Variants in GID4 observed in about 807,000 individuals in gnomAD.
GID4 encodes the protein GID complex subunit 4 homolog.
A neutral mutation model predicts 32.4 loss-of-function variants in GID4; 7 were observed. That is an observed-to-expected ratio of 0.22 (90% confidence interval 0.12 to 0.41). The LOEUF (loss-of-function observed/expected upper bound fraction) is 0.41, where lower values mean the gene tolerates loss of function less well. Among genes scored for constraint, GID4 ranks in the 10% least tolerant of loss-of-function variants. The pLI is 1.00. For missense variants in GID4, 309 were observed against 400.0 expected, an observed-to-expected ratio of 0.77 and a Z score of 1.94; for synonymous variants, 166 against 170.0, an observed-to-expected ratio of 0.98 and a Z score of 0.18.
intron 5 of GID4, 131 bp from the exon 6 acceptor site, chr17:18,065,049 A>G (rs1287754478): frequency 2.9e-6 from 2 of 692,536 alleles, no homozygotes; most frequent in East Asian, 5.2e-5. Context: ...CTTGAGAAAT[A>G]GAAAATGAAT....
chr17:18,058,694 C>G (rs1442203654), intron 3 of GID4, among the ~76,000 whole-genome samples, 174 bp from the exon 4 acceptor site: 1 of 152,168 alleles, frequency 6.6e-6, no homozygotes, highest in African/African-American at 2.4e-5. Flanking sequence ...AGTCTGCATT[C>G]AATGGGGTGA....
At chr17:18,056,666 G>A in intron 3 of GID4, 1 of 1,537,060 alleles carries the variant, frequency 6.5e-7, no homozygotes, top group East Asian at 2.5e-5. Context: ...TAAATACTTG[G>A]AAAGCAACTC....
At chr17:18,041,969 A>G (rs529203852) in intron 1 of GID4, among the ~76,000 whole-genome samples, 9 of 152,304 alleles carry the variant, frequency 5.9e-5, no homozygotes, top group East Asian at 3.9e-4. Context: ...GGTCATGCCA[A>G]TGAATGCTGC....
chr17:18,067,671 G>A lies in GID4; in HGVS notation c.*2428G>A, dbSNP rs915652013. 1.3e-5 allele frequency: 2 copies of A among 152,556 alleles called. No individual in the cohort carries two copies. Among genetic ancestry groups the A allele is most frequent in the Non-Finnish European group, 2.9e-5 (2 of 68,024 alleles). The allele number at this position is 152,556 out of a possible 1,614,324, so 9.5% of individuals were successfully genotyped here. On this transcript the variant is annotated 3_prime_UTR_variant, in exon 6 of 6. Transcript: ENST00000268719. Reference sequence around the variant, plus strand: ...GGGAATCATCTTCATCCGTAGTTACGCTTTCCTGAACCTTCTCAGTGGTTT... The same window carrying A: ...GGGAATCATCTTCATCCGTAGTTACACTTTCCTGAACCTTCTCAGTGGTTT...
rs150150097 is a variant in GID4, at chr17:18,066,961, C to T, written c.*1718C>T. On this transcript the variant is annotated 3_prime_UTR_variant, in exon 6 of 6. Transcript: ENST00000268719. The stretch of plus-strand genomic sequence containing the variant: ...GCTTTGGAACCCTAAAAAGTTGGCC[C>T]GATGACTTAAAGGGAAAAATAATTC... 3.3e-5 allele frequency: 5 copies of T among 152,246 alleles called. No homozygotes were observed. The highest frequency in any genetic ancestry group is 2.1e-4 in the South Asian group (1 of 4,810). The allele number at this position is 152,246 out of a possible 1,614,324, so 9.4% of individuals were successfully genotyped here. A position where few individuals can be genotyped will look rare whatever the true frequency, so the allele number is the denominator to read the frequency against.
chr17:18,053,557 CAGTGA>C (rs2044935833), intron 2 of GID4, among the ~76,000 whole-genome samples: 1 of 152,030 alleles, frequency 6.6e-6, no homozygotes, highest in Admixed American at 6.5e-5. Flanking sequence ...GAGGAGGTTG[CAGTGA>C]ACCGAAATTG....
intron 2 of GID4, among the ~76,000 whole-genome samples, chr17:18,050,059 C>T (rs373792605): frequency 9.6e-4 from 146 of 152,324 alleles, no homozygotes; most frequent in African/African-American, 3.4e-3. Flanking sequence ...GACATGATCT[C>T]ATTTCTTTTT....
At position 18,065,902 on chromosome 17, in the gene GID4, A is replaced by C. The variant is rs529632620; in HGVS notation, c.*659A>C. Reference sequence around the variant, plus strand: ...AGCTGTCAGGTTCCCTGGGCCTGCCATCAGGGATCACTAAATTTAAGGCTT... The same window carrying C: ...AGCTGTCAGGTTCCCTGGGCCTGCCCTCAGGGATCACTAAATTTAAGGCTT... On this transcript the variant is annotated 3_prime_UTR_variant, in exon 6 of 6. Transcript: ENST00000268719. The C allele has an allele frequency of 6.6e-6, 1 of 151,688 alleles. No individual in the cohort carries two copies. The allele number at this position is 151,688 out of a possible 1,614,324, so 9.4% of individuals were successfully genotyped here. A position where few individuals can be genotyped will look rare whatever the true frequency, so the allele number is the denominator to read the frequency against.
intron 3 of GID4, chr17:18,057,112 A>G (rs2044976228): frequency 2.7e-6 from 4 of 1,463,702 alleles, no homozygotes; most frequent in Admixed American, 2.3e-5. Flanking sequence ...TCAGGATTCC[A>G]TATATTCAGT....
In GID4 at chr17:18,061,759, C is replaced by G; in HGVS notation, c.709-86C>G. ...GATCCTATATTTTTCTCGAGTGGTC[C>G]TTAGAACCCCCTGATGCTTAACAGG... On this transcript the variant is annotated intron_variant, in intron 4 of 5. Transcript: ENST00000268719. The surrounding 1 kb of genome is among the most constrained non-coding windows in gnomAD (Gnocchi z 4.4). The G allele has an allele frequency of 7.4e-7, 1 of 1,349,220 alleles. No homozygotes were observed. Among genetic ancestry groups the G allele is most frequent in the South Asian group, 1.2e-5 (1 of 84,432 alleles). 83.6% of individuals were successfully genotyped at this position (1,349,220 alleles called of 1,614,324 possible).
intron 2 of GID4, among the ~76,000 whole-genome samples, chr17:18,045,760 G>A (rs901250078): frequency 6.6e-6 from 1 of 151,796 alleles, no homozygotes; most frequent in African/African-American, 2.4e-5. Context: ...CGGGCATGGT[G>A]GCACAGACCT....
chr17:18,055,949 G>A (rs536461431), intron 3 of GID4, among the ~76,000 whole-genome samples: 1 of 152,278 alleles, frequency 6.6e-6, no homozygotes, highest in East Asian at 1.9e-4. Context: ...CCGCCTCCCA[G>A]ATTCAAGTGA....
chr17:18,061,007 T>C lies in GID4; in HGVS notation c.709-838T>C, dbSNP rs980206906. Among the ~76,000 whole-genome samples the C allele has an allele frequency of 2.6e-5, 4 of 152,184 alleles. No homozygotes were observed. The highest frequency in any genetic ancestry group is 9.7e-5 in the African/African-American group (4 of 41,438). ...ACCTCAGCCTCCCAAAGTGTTGGGATTGCAGGCATAAGCCACCACACCCGA... is the reference window on the plus strand; with the variant it reads ...ACCTCAGCCTCCCAAAGTGTTGGGACTGCAGGCATAAGCCACCACACCCGA... On this transcript the variant is annotated intron_variant, in intron 4 of 5. Coordinates refer to ENST00000268719, the MANE Select transcript of GID4 (RefSeq NM_024052.5). The surrounding 1 kb of genome is among the most constrained non-coding windows in gnomAD (Gnocchi z 4.4).
Position 18,039,447 on chromosome 17 carries a change from G to A in GID4, c.-18G>A. 1.4e-6 allele frequency: 2 copies of A among 1,385,150 alleles called. No individual in the cohort carries two copies. The highest frequency in any genetic ancestry group is 1.9e-6 in the Non-Finnish European group (2 of 1,068,410). 85.8% of individuals were successfully genotyped at this position (1,385,150 alleles called of 1,614,324 possible). ...GTGTGTTTGTGTGTTGTGTGTCTGT[G>A]AGTGTCTGTGTGTGTGTATGTGTGC... is the stretch of plus-strand genomic sequence containing the variant. On this transcript the variant is annotated 5_prime_UTR_variant, in exon 1 of 6. Transcript: ENST00000268719. The surrounding 1 kb of genome is among the most constrained non-coding windows in gnomAD (Gnocchi z 5.3).
chr17:18,052,394 A>G (rs1172594740), intron 2 of GID4, among the ~76,000 whole-genome samples: 1 of 152,196 alleles, frequency 6.6e-6, no homozygotes, highest in African/African-American at 2.4e-5. Flanking sequence ...TCTCTCAGGA[A>G]GGTCCTACAC....
intron 4 of GID4, among the ~76,000 whole-genome samples, chr17:18,060,522 A>G (rs1321271316): frequency 1.3e-5 from 2 of 152,140 alleles, no homozygotes; most frequent in Non-Finnish European, 2.9e-5. Context: ...AAACATGTCA[A>G]CTAAACAACC....
intron 5 of GID4, among the ~76,000 whole-genome samples, chr17:18,063,258 A>G (rs1427448005): frequency 6.6e-6 from 1 of 151,886 alleles, no homozygotes; most frequent in Non-Finnish European, 1.5e-5. Flanking sequence ...AAAAATACAA[A>G]AATTAGCCAG....
Position 18,039,591 on chromosome 17 carries a change from TCCC to T in GID4, c.128_130del (p.Ser43_Arg44delinsCys). ...CAGGCAGCGGGCGGGTGGTCGCCCC[TCCC>T]GCCCCCACCCCGCGCGTGCGCGCCC... On this transcript the variant is annotated inframe_deletion, in exon 1 of 6. Transcript: ENST00000268719. The surrounding 1 kb of genome is among the most constrained non-coding windows in gnomAD (Gnocchi z 5.3). 1.1e-6 allele frequency: 1 copy of T among 923,554 alleles called. No homozygotes were observed. The allele number at this position is 923,554 out of a possible 1,614,324, so 57.2% of individuals were successfully genotyped here. A position where few individuals can be genotyped will look rare whatever the true frequency, so the allele number is the denominator to read the frequency against.
chr17:18,050,666 T>G (rs1348135135), intron 2 of GID4, among the ~76,000 whole-genome samples: 1 of 152,218 alleles, frequency 6.6e-6, no homozygotes, highest in Non-Finnish European at 1.5e-5. Flanking sequence ...AAGTTCCTGT[T>G]GACTTATTGG....
Sources: allele counts gnomAD v4.1 joint callset (sites outside exome capture counted in the v4.1 genomes callset), GRCh38; gene constraint gnomAD v4.1.1; non-coding constraint Gnocchi (gnomAD v3.1); transcripts MANE v1.5; gene names NCBI Gene and HGNC (gene_info 2026-07-23, HGNC 2026-07-21).